The following ERCC2 variants were observed in gnomAD, a reference collection of about 807,000 sequenced individuals.
ERCC2 encodes the protein general transcription and DNA repair factor IIH helicase subunit XPD.
ERCC2 carries 90 observed loss-of-function variants against 99.4 expected under a neutral mutation model. The observed-to-expected ratio is 0.91, with a 90% CI of 0.76 to 1.08. The LOEUF (loss-of-function observed/expected upper bound fraction) is 1.08, where lower values mean the gene tolerates loss of function less well. Ranked by LOEUF, ERCC2 falls within the 50% of genes least tolerant of loss-of-function variation. The pLI, the probability that ERCC2 is intolerant of heterozygous loss-of-function variation, is 0.00. For missense variants in ERCC2, 993 were observed against 1,038.1 expected (o/e 0.96, Z 0.60); for synonymous variants, 497 against 432.4 (o/e 1.15, Z -1.85).
chr19:45,350,421 C>G lies in ERCC2; in HGVS notation c.*1208G>C, dbSNP rs376199766. 1.9e-6 allele frequency: 3 copies of G among 1,613,874 alleles called. No homozygotes were observed. Among genetic ancestry groups the G allele is most frequent in the Admixed American group, 1.7e-5 (1 of 60,006 alleles). On this transcript the variant is annotated 3_prime_UTR_variant, in exon 23 of 23. Coordinates refer to ENST00000391945, the MANE Select transcript of ERCC2 (RefSeq NM_000400.4). The stretch of plus-strand genomic sequence containing the variant: ...AAATCCTCCACAAGGAGGACCTACC[C>G]GCCCCTCTCGGTGAGCCCCTAGCCC...
In ERCC2 at chr19:45,361,646, G is replaced by A; in HGVS notation, c.1119-4C>T. 2 of 1,608,720 alleles carry A rather than the reference G, an allele frequency of 1.2e-6. No homozygotes were observed. The highest frequency in any genetic ancestry group is 1.7e-6 in the Non-Finnish European group (2 of 1,175,308). ...CCGGAGGCGTTCAGCACAGAATCTG[G>A]CGGGGAGGAGAGACGGGGTCGGGGG... On this transcript the variant is annotated splice_polypyrimidine_tract_variant and splice_region_variant and intron_variant, in intron 11 of 22. Transcript: ENST00000391945.
Position 45,350,962 on chromosome 19 carries a change from G to A in ERCC2, c.*667C>T. The A allele has an allele frequency of 3.1e-6, 5 of 1,614,106 alleles. No homozygotes were observed. The highest frequency in any genetic ancestry group is 4.2e-6 in the Non-Finnish European group (5 of 1,180,008). Reference sequence around the variant, plus strand: ...TGCTGCCCTCTTTGCAGAATGAAGAGAGCCATGTCACTCAACACACTGAAC... The same window carrying A: ...TGCTGCCCTCTTTGCAGAATGAAGAAAGCCATGTCACTCAACACACTGAAC... On this transcript the variant is annotated 3_prime_UTR_variant, in exon 23 of 23. Coordinates refer to ENST00000391945, the MANE Select transcript of ERCC2 (RefSeq NM_000400.4).
rs1972564522 is a variant in ERCC2 at position 45,370,313 on chromosome 19, A to T, written c.6-81T>A. The T allele has an allele frequency of 5.1e-6, 8 of 1,573,364 alleles. No homozygotes were observed. The South Asian group carries it at 7.9e-5, about 16-fold the overall frequency. On this transcript the variant is annotated intron_variant, in intron 1 of 22. Coordinates refer to ENST00000391945, the MANE Select transcript of ERCC2 (RefSeq NM_000400.4). Reference sequence around the variant, plus strand: ...CACAGTGCCCGGTCGTCGAGCCCAGAGAAGGGTGACGGGCCCGGCGCCCCC... The same window carrying T: ...CACAGTGCCCGGTCGTCGAGCCCAGTGAAGGGTGACGGGCCCGGCGCCCCC...
intron 9 of ERCC2, 49 bp from the exon 10 acceptor site, chr19:45,364,168 C>A (rs376063801): frequency 2.2e-5 from 36 of 1,611,552 alleles, no homozygotes; most frequent in Non-Finnish European, 2.9e-5. Context: ...ACCCTGGGGA[C>A]AAGTCAGACA....
intron 6 of ERCC2, 29 bp from the exon 7 acceptor site, chr19:45,364,983 G>A (rs770760190): frequency 1.6e-5 from 25 of 1,610,380 alleles, no homozygotes; most frequent in Non-Finnish European, 2.0e-5. Flanking sequence ...GGGTCAGGGA[G>A]GCTGCCTGCC....
Position 45,355,649 on chromosome 19 carries a change from C to T in ERCC2, c.1543+16G>A. ...CCTCTTGGAACCCACAGAAACCAGC[C>T]CCACTGGCAGCATACCAATATCCTC... On this transcript the variant is annotated intron_variant, in intron 16 of 22. Coordinates refer to ENST00000391945, the MANE Select transcript of ERCC2 (RefSeq NM_000400.4). The T allele has an allele frequency of 6.2e-7, 1 of 1,612,526 alleles. No individual in the cohort carries two copies. The highest frequency in any genetic ancestry group is 1.1e-5 in the South Asian group (1 of 91,044).
Position 45,351,517 on chromosome 19 carries a change from T to C in ERCC2, c.*112A>G, listed in dbSNP as rs1156265886. 4 of 1,600,254 alleles carry C rather than the reference T, an allele frequency of 2.5e-6. No homozygotes were observed. In the African/African-American group the frequency reaches 4.0e-5, roughly 16 times the overall value. ...CGATTAAAGGCTGTGGACGTGACAG[T>C]GAGAAATGTCACCTGACTTCATAAG... On this transcript the variant is annotated 3_prime_UTR_variant, in exon 23 of 23. Transcript: ENST00000391945.
intron 16 of ERCC2, among the ~76,000 whole-genome samples, chr19:45,355,194 T>TA (rs1293768219): frequency 6.6e-6 from 1 of 152,146 alleles, no homozygotes; most frequent in African/African-American, 2.4e-5. Context: ...CCATCTCTAC[T>TA]AAAAATACAA....
Position 45,353,340 on chromosome 19 carries a change from G to T in ERCC2, c.1666-6C>A, listed in dbSNP as rs766281251. On this transcript the variant is annotated splice_polypyrimidine_tract_variant and splice_region_variant and intron_variant, in intron 17 of 22. Transcript: ENST00000391945. ...TGGATGTTCTCAAGGATCCCCTGGG[G>T]AAGGACCCAGGGAGGTCAGGGTGGG... 3 of 1,610,180 alleles carry T rather than the reference G, an allele frequency of 1.9e-6. No individual in the cohort carries two copies. The highest frequency in any genetic ancestry group is 1.1e-5 in the South Asian group (1 of 90,730).
At chr19:45,358,588 A>G in intron 12 of ERCC2, 1 of 475,176 alleles carries the variant, frequency 2.1e-6, no homozygotes, top group Non-Finnish European at 3.8e-6. Flanking sequence ...ACCTTCAAAA[A>G]TCAGCAGGCT....
At chr19:45,361,781 T>C in intron 11 of ERCC2, 139 bp from the exon 12 acceptor site, 6 of 721,732 alleles carry the variant, frequency 8.3e-6, no homozygotes, top group Non-Finnish European at 1.5e-5. Flanking sequence ...CTGGGCCTGT[T>C]TTGGAAACTT....
In ERCC2 at chr19:45,359,853, C is replaced by T. The variant is rs542228882; in HGVS notation, c.1237+1671G>A. On this transcript the variant is annotated intron_variant, in intron 12 of 22. Transcript: ENST00000391945. ...CAGCTGGTGTGATCTCGGCTCACTGCAACCTCCGCCTCCCGGGTTCAAGCA... is the reference window on the plus strand; with the variant it reads ...CAGCTGGTGTGATCTCGGCTCACTGTAACCTCCGCCTCCCGGGTTCAAGCA... Among the ~76,000 whole-genome samples the T allele has an allele frequency of 2.8e-4, 42 of 151,934 alleles. No individual in the cohort carries two copies. In the South Asian group the frequency reaches 7.9e-3, roughly 29 times the overall value.
chr19:45,367,035 C>T (rs556187337), intron 5 of ERCC2, among the ~76,000 whole-genome samples: 31 of 151,642 alleles, frequency 2.0e-4, no homozygotes, highest in African/African-American at 7.3e-4. Flanking sequence ...AACTCCATTT[C>T]AAAAATAATA....
At chr19:45,360,213 T>C (rs1240469404) in intron 12 of ERCC2, among the ~76,000 whole-genome samples, 1 of 151,432 alleles carries the variant, frequency 6.6e-6, no homozygotes, top group Non-Finnish European at 1.5e-5. Context: ...CCTGAGCAGC[T>C]GGGACTACAG....
rs781162207 is a variant in ERCC2 at position 45,370,142 on chromosome 19, C to T, written c.96G>A (p.Leu32=). ...CCCACCGGCCACCCACCTTGGCGTC[C>T]AGCGTGCGTTTGAGCTCCCGCATGT... ...FSYMRELKRT[L]DAKGHGVLEM... Residue 32 remains leucine, a synonymous_variant, in exon 2 of 23, where the codon CTG becomes CTA. Transcript: ENST00000391945. The T allele has an allele frequency of 1.2e-6, 2 of 1,613,132 alleles. No individual in the cohort carries two copies. The highest frequency in any genetic ancestry group is 1.7e-6 in the Non-Finnish European group (2 of 1,179,316).
At chr19:45,370,097 G>A (rs1339840083) in intron 2 of ERCC2, 36 bp downstream of exon 2, 26 of 1,606,100 alleles carry the variant, frequency 1.6e-5, no homozygotes, top group Non-Finnish European at 2.0e-5. Flanking sequence ...CAGCCCCACC[G>A]GTCGAGTGGG....
chr19:45,350,479 G>C lies in ERCC2; in HGVS notation c.*1150C>G. 1 of 1,613,508 alleles carries C rather than the reference G, an allele frequency of 6.2e-7. No individual in the cohort carries two copies. The highest frequency in any genetic ancestry group is 8.5e-7 in the Non-Finnish European group (1 of 1,179,706). On this transcript the variant is annotated 3_prime_UTR_variant, in exon 23 of 23. Transcript: ENST00000391945. ...TCTTCCCTCCTGGTGGCTTCTCTAT[G>C]TCCCCATCTCAGTGTCCCCCATCTT... is the stretch of plus-strand genomic sequence containing the variant.
chr19:45,358,873 C>CT (rs747235634), intron 12 of ERCC2: 3 of 780,806 alleles, frequency 3.8e-6, no homozygotes, highest in East Asian at 2.4e-5. Flanking sequence ...GGGATGAGAT[C>CT]TTTTTTGGTT....
Position 45,361,540 on chromosome 19 carries a change from G to T in ERCC2, c.1221C>A (p.Val407=). The T allele has an allele frequency of 6.2e-7, 1 of 1,613,418 alleles. No individual in the cohort carries two copies. The highest frequency in any genetic ancestry group is 8.5e-7 in the Non-Finnish European group (1 of 1,179,398). The part of the protein sequence containing the change: ...LTLLANFATL[V]STYAKGFTII... ...TGAGCTTACCTTTGGCGTAGGTGCTGACAAGGGTGGCAAAGTTAGCAAGGA... is the reference window on the plus strand; with the variant it reads ...TGAGCTTACCTTTGGCGTAGGTGCTTACAAGGGTGGCAAAGTTAGCAAGGA... The change falls in exon 12 of 23, where the codon GTC becomes GTA. Residue 407 remains valine (V), a synonymous_variant. Transcript: ENST00000391945.
Sources: gnomAD v4.1 joint callset for allele counts (sites outside exome capture counted in the v4.1 genomes callset) on GRCh38, gnomAD v4.1.1 for gene constraint, MANE v1.5 for transcripts, NCBI Gene and HGNC (gene_info 2026-07-23, HGNC 2026-07-21) for gene names.